The following BANK1 variants were observed in gnomAD, a reference collection of about 807,000 sequenced individuals.
BANK1 encodes the protein B cell scaffold protein with ankyrin repeats 1, also known as B-cell scaffold protein with ankyrin repeats.
A neutral mutation model predicts 94.5 loss-of-function variants in BANK1; 95 were observed. The ratio of observed to expected loss-of-function variants is 1.00; its 90% CI spans 0.85 to 1.19. BANK1 has a LOEUF of 1.19. Among genes scored for constraint, BANK1 ranks in the 50% most tolerant of loss-of-function variants. BANK1 has a pLI of 0.00. For missense variants in BANK1, 987 were observed against 932.2 expected (o/e 1.06, Z -0.77); for synonymous variants, 334 against 308.4 (o/e 1.08, Z -0.87).
chr4:101,949,777 G>A (rs1047301989), intron 7 of BANK1, among the ~76,000 whole-genome samples: 5 of 152,118 alleles, frequency 3.3e-5, no homozygotes, highest in African/African-American at 1.2e-4. Flanking sequence ...ACAGGAAAAT[G>A]TTCATCAGAG....
At chr4:101,899,290 T>C (rs1383627961) in intron 6 of BANK1, among the ~76,000 whole-genome samples, 2 of 152,236 alleles carry the variant, frequency 1.3e-5, no homozygotes, top group Non-Finnish European at 2.9e-5. Flanking sequence ...AAATTAGGGA[T>C]TGATGTATAC....
intron 1 of BANK1, among the ~76,000 whole-genome samples, chr4:101,823,065 A>C (rs917562146): frequency 2.0e-5 from 3 of 151,952 alleles, no homozygotes; most frequent in African/African-American, 7.3e-5. Context: ...GCAGTGCAGA[A>C]GCTGTTTAGT....
chr4:101,942,864 T>C (rs186441400), intron 7 of BANK1, among the ~76,000 whole-genome samples: 1 of 152,076 alleles, frequency 6.6e-6, no homozygotes, highest in Non-Finnish European at 1.5e-5. Context: ...CTGCTGGTAC[T>C]GTGGCATGCT....
intron 11 of BANK1, among the ~76,000 whole-genome samples, chr4:102,046,218 G>T (rs1442290992): frequency 2.0e-5 from 3 of 151,958 alleles, no homozygotes; most frequent in African/African-American, 7.2e-5. Flanking sequence ...AATAAATGGT[G>T]CTGGGAAAAC....
intron 1 of BANK1, among the ~76,000 whole-genome samples, chr4:101,800,565 C>A (rs969730987): frequency 1.3e-5 from 2 of 152,088 alleles, no homozygotes; most frequent in East Asian, 1.9e-4. Context: ...CCTGTTTTTG[C>A]ATTTGCTTAG....
intron 13 of BANK1, among the ~76,000 whole-genome samples, chr4:102,070,774 A>G (rs878920648): frequency 6.6e-6 from 1 of 152,178 alleles, no homozygotes. Context: ...CGGGGGTGCC[A>G]TGAGTAATGT....
At chr4:102,056,652 T>G (rs1187443247) in intron 11 of BANK1, among the ~76,000 whole-genome samples, 14 of 152,046 alleles carry the variant, frequency 9.2e-5, no homozygotes, top group African/African-American at 2.7e-4. Context: ...TTCAGTACTC[T>G]TCTGTATTTT....
intron 1 of BANK1, among the ~76,000 whole-genome samples, chr4:101,817,712 C>T (rs968545374): frequency 6.6e-6 from 1 of 152,014 alleles, no homozygotes; most frequent in Admixed American, 6.6e-5. Context: ...AAAAAATTGT[C>T]TTTCGGTATA....
chr4:102,010,331 G>A (rs955972934), intron 7 of BANK1, among the ~76,000 whole-genome samples: 13 of 151,188 alleles, frequency 8.6e-5, no homozygotes, highest in Admixed American at 3.9e-4. Flanking sequence ...CAGTGCTGCC[G>A]TTCTCAAGAG....
chr4:101,933,219 G>A lies in BANK1; in HGVS notation c.1206+15030G>A, dbSNP rs114244795. On this transcript the variant is annotated intron_variant, in intron 7 of 16. Coordinates refer to ENST00000322953, the MANE Select transcript of BANK1 (RefSeq NM_017935.5). ...GGACCATAGAAAGGGAGATTATTTG[G>A]AGAAACTAGTGGAAATAAGATTTAG... 3.4e-3 allele frequency among the ~76,000 whole-genome samples: 520 copies of A among 150,986 alleles called. 1 individual carries two copies. The highest frequency in any genetic ancestry group is 0.012 in the African/African-American group (490 of 41,314).
intron 5 of BANK1, among the ~76,000 whole-genome samples, chr4:101,881,953 G>A (rs1428921275): frequency 2.6e-5 from 4 of 151,854 alleles, no homozygotes; most frequent in African/African-American, 9.7e-5. Context: ...GGGGGAGGTG[G>A]GGATGGTTAA....
chr4:101,960,802 TA>T (rs11344913), intron 7 of BANK1, among the ~76,000 whole-genome samples: 5,524 of 152,242 alleles, frequency 0.036, 328 homozygotes, highest in African/African-American at 0.13. Flanking sequence ...TTAATCCATA[TA>T]TGTAAGGAGC....
intron 7 of BANK1, among the ~76,000 whole-genome samples, chr4:101,976,533 A>G (rs1011160170): frequency 2.6e-5 from 4 of 152,092 alleles, no homozygotes; most frequent in Non-Finnish European, 2.9e-5. Context: ...TGATTAGACA[A>G]TTTTCTGCTT....
intron 1 of BANK1, among the ~76,000 whole-genome samples, chr4:101,806,015 G>C (rs961422793): frequency 6.6e-6 from 1 of 151,982 alleles, no homozygotes; most frequent in Non-Finnish European, 1.5e-5. Context: ...GAAAAAGTGT[G>C]ATTAGGGTCT....
chr4:101,945,892 G>A (rs1366578271), intron 7 of BANK1, among the ~76,000 whole-genome samples: 3 of 151,902 alleles, frequency 2.0e-5, no homozygotes, highest in Admixed American at 1.3e-4. Flanking sequence ...TGTGCAATAT[G>A]CTTTTCTAGT....
chr4:101,941,916 G>A (rs1560644345), intron 7 of BANK1, among the ~76,000 whole-genome samples: 1 of 151,754 alleles, frequency 6.6e-6, no homozygotes, highest in Non-Finnish European at 1.5e-5. Context: ...TGATCCACTT[G>A]TGTGGGGTAA....
intron 13 of BANK1, among the ~76,000 whole-genome samples, chr4:102,067,990 C>T (rs897408539): frequency 6.6e-6 from 1 of 151,970 alleles, no homozygotes; most frequent in African/African-American, 2.4e-5. Flanking sequence ...TATTCTCTTA[C>T]CACAACAGAA....
chr4:101,962,279 T>A lies in BANK1; in HGVS notation c.1206+44090T>A, dbSNP rs61547168. On this transcript the variant is annotated intron_variant, in intron 7 of 16. Transcript: ENST00000322953. ...GCCCCACGGCATCATGCAGACCAAG[T>A]TTTCCCCCATTGACTCTGATTCTCT... Among the ~76,000 whole-genome samples the A allele has an allele frequency of 9.1e-4, 138 of 152,190 alleles. 1 individual carries two copies. Among genetic ancestry groups the A allele is most frequent in the African/African-American group, 3.2e-3 (131 of 41,546 alleles).
At chr4:102,055,631 G>A (rs1358557423) in intron 11 of BANK1, among the ~76,000 whole-genome samples, 1 of 151,914 alleles carries the variant, frequency 6.6e-6, no homozygotes, top group Non-Finnish European at 1.5e-5. Context: ...ATTTTAACTA[G>A]CTGGATATAA....
Sources: allele counts gnomAD v4.1 joint callset (sites outside exome capture counted in the v4.1 genomes callset), GRCh38; gene constraint gnomAD v4.1.1; transcripts MANE v1.5; gene names NCBI Gene and HGNC (gene_info 2026-07-23, HGNC 2026-07-21).